CSMD1: variants seen among roughly 807,000 people sequenced by gnomAD.
CSMD1 encodes CUB and sushi domain-containing protein 1.
A neutral mutation model predicts 417.5 loss-of-function variants in CSMD1; 213 were observed. The ratio of observed to expected loss-of-function variants is 0.51; its 90% confidence interval spans 0.46 to 0.57. The LOEUF (loss-of-function observed/expected upper bound fraction) is 0.57, where lower values mean the gene tolerates loss of function less well. Ranked by LOEUF, CSMD1 falls within the 20% of genes least tolerant of loss-of-function variation. CSMD1 has a pLI of 0.00. For synonymous variants in CSMD1, 2,862 were observed against 1,736.8 expected, an observed-to-expected ratio of 1.65 and a Z score of -16.11; for missense variants, 6,923 against 4,529.7, an observed-to-expected ratio of 1.53 and a Z score of -15.17.
intron 1 of CSMD1, among the ~76,000 whole-genome samples, chr8:4,888,484 CAGA>C (rs1803896586): frequency 1.3e-5 from 2 of 151,574 alleles, no homozygotes; most frequent in African/African-American, 4.9e-5. Flanking sequence ...AGCACACATA[CAGA>C]AGGATAGACT....
intron 10 of CSMD1, among the ~76,000 whole-genome samples, chr8:3,557,695 A>G (rs1378448977): frequency 1.3e-5 from 2 of 152,160 alleles, no homozygotes; most frequent in African/African-American, 4.8e-5. Context: ...AATTCTCTCC[A>G]CAGTAAAACA....
In CSMD1 at chr8:3,493,714, C is replaced by T. The variant is rs745632954; in HGVS notation, c.1357G>A (p.Ala453Thr). The T allele has an allele frequency of 6.2e-6, 10 of 1,610,420 alleles. No homozygotes were observed. Among genetic ancestry groups the T allele is most frequent in the Non-Finnish European group, 7.6e-6 (9 of 1,178,408 alleles). ...CGCTCCAGCTCAAACTCTTCAAAGG[C>T]AAGCTTGATGACCTAAATACAAGGT... is the stretch of plus-strand genomic sequence containing the variant. ...TTDPDKVIKL[A>T]FEEFELERGY... The change falls in exon 11 of 70, where the codon GCC becomes ACC. Residue 453 changes from alanine (A) to threonine (T), a missense_variant. Ala to Thr is a moderately conservative substitution (Grantham distance 58, BLOSUM62 0). Coordinates refer to ENST00000635120, the MANE Select transcript of CSMD1 (RefSeq NM_033225.6).
intron 3 of CSMD1, among the ~76,000 whole-genome samples, chr8:4,233,114 T>A (rs1801841737): frequency 1.3e-5 from 2 of 152,256 alleles, no homozygotes; most frequent in Non-Finnish European, 2.9e-5. Flanking sequence ...TGGAAAATGC[T>A]ATCACTTATC....
chr8:3,342,566 G>A lies in CSMD1; in HGVS notation c.3631+728C>T, dbSNP rs577410960. On this transcript the variant is annotated intron_variant, in intron 23 of 69. Coordinates refer to ENST00000635120, the MANE Select transcript of CSMD1 (RefSeq NM_033225.6). Reference sequence around the variant, plus strand: ...AGAACTAAAAATGCTGAAAGTGGCAGTTATCACTTTGCAAATTCCTACTTT... The same window carrying A: ...AGAACTAAAAATGCTGAAAGTGGCAATTATCACTTTGCAAATTCCTACTTT... Among the ~76,000 whole-genome samples the A allele has an allele frequency of 3.3e-5, 5 of 152,156 alleles. No individual in the cohort carries two copies. The South Asian group carries it at 6.2e-4, about 19-fold the overall frequency.
chr8:4,993,375 G>C (rs1312786839), intron 1 of CSMD1, among the ~76,000 whole-genome samples: 3 of 101,848 alleles, frequency 2.9e-5, no homozygotes, highest in Non-Finnish European at 5.5e-5. Context: ...AAACCAATCA[G>C]TATTCTCTCT....
At chr8:4,816,947 TG>T (rs2117364901) in intron 1 of CSMD1, among the ~76,000 whole-genome samples, 1 of 152,272 alleles carries the variant, frequency 6.6e-6, no homozygotes, top group African/African-American at 2.4e-5. Flanking sequence ...GGAATTGCAT[TG>T]AAGGACAGCT....
chr8:4,016,295 A>AAAAG, intron 4 of CSMD1, among the ~76,000 whole-genome samples: 1 of 152,256 alleles, frequency 6.6e-6, no homozygotes, highest in South Asian at 2.1e-4. Context: ...AGTAGATGGA[A>AAAAG]ATAGAAAATA....
chr8:4,951,438 A>T (rs1220244707), intron 1 of CSMD1, among the ~76,000 whole-genome samples: 2 of 151,738 alleles, frequency 1.3e-5, no homozygotes, highest in East Asian at 3.9e-4. Context: ...AAAAAGAAAG[A>T]AAGAGGGAAG....
intron 7 of CSMD1, among the ~76,000 whole-genome samples, chr8:3,660,805 G>A (rs970632346): frequency 2.6e-5 from 4 of 152,172 alleles, no homozygotes; most frequent in African/African-American, 9.7e-5. Context: ...ACAGGCGTGA[G>A]CCACCCCGCC....
intron 3 of CSMD1, among the ~76,000 whole-genome samples, chr8:4,254,145 C>G (rs978505597): frequency 6.6e-6 from 1 of 151,966 alleles, no homozygotes; most frequent in Non-Finnish European, 1.5e-5. Flanking sequence ...TCTCCATCTC[C>G]TGACCTGGTG....
intron 3 of CSMD1, among the ~76,000 whole-genome samples, chr8:4,068,930 G>A (rs1470755005): frequency 6.6e-6 from 1 of 152,124 alleles, no homozygotes; most frequent in Non-Finnish European, 1.5e-5. Context: ...TAATTTTGTG[G>A]AGAAATTCTT....
chr8:3,241,492 C>A (rs894260531), intron 26 of CSMD1, among the ~76,000 whole-genome samples: 1 of 152,148 alleles, frequency 6.6e-6, no homozygotes, highest in Non-Finnish European at 1.5e-5. Flanking sequence ...AGCCACTAAG[C>A]CGAGAAGATC....
intron 5 of CSMD1, among the ~76,000 whole-genome samples, chr8:3,759,080 T>C (rs1797840770): frequency 6.6e-6 from 1 of 152,232 alleles, no homozygotes; most frequent in Admixed American, 6.5e-5. Context: ...ACCTTGATTG[T>C]AGATGTGAGA....
intron 3 of CSMD1, among the ~76,000 whole-genome samples, chr8:4,180,920 G>C (rs531214482): frequency 6.6e-6 from 1 of 152,078 alleles, no homozygotes; most frequent in African/African-American, 2.4e-5. Context: ...AAATTTTCAA[G>C]GTGCCAAAAT....
intron 7 of CSMD1, among the ~76,000 whole-genome samples, chr8:3,643,479 G>T (rs1204015793): frequency 6.6e-6 from 1 of 152,018 alleles, no homozygotes; most frequent in Non-Finnish European, 1.5e-5. Flanking sequence ...GAGGTAGGCG[G>T]ATCACAAGGT....
chr8:3,412,782 A>C (rs1165174250), intron 12 of CSMD1, among the ~76,000 whole-genome samples: 1 of 152,216 alleles, frequency 6.6e-6, no homozygotes, highest in Non-Finnish European at 1.5e-5. Flanking sequence ...TAGGTTGTTG[A>C]ACAGAGATGG....
At chr8:4,143,633 C>G (rs1029827246) in intron 3 of CSMD1, among the ~76,000 whole-genome samples, 1 of 150,944 alleles carries the variant, frequency 6.6e-6, no homozygotes, top group Admixed American at 6.6e-5. Context: ...ACACCTGATA[C>G]CGGAAGGAGA....
chr8:4,487,409 T>C (rs1047573669), intron 2 of CSMD1, among the ~76,000 whole-genome samples: 2 of 152,142 alleles, frequency 1.3e-5, no homozygotes, highest in African/African-American at 4.8e-5. Context: ...AGTGAGAACA[T>C]GCAGTGTTTG....
Position 3,367,036 on chromosome 8 carries a change from A to C in CSMD1, c.3111T>G (p.Phe1037Leu), listed in dbSNP as rs1042207348. ...SISYEGFNITFSEYDLEPCDD... is the reference protein window; with the variant it reads ...SISYEGFNITLSEYDLEPCDD... ...CAGCAAACAAGACCAACATACCTGA[A>C]AATGTGATATTGAAGCCCTCGTACG... The change falls in exon 20 of 70, where the codon TTT (phenylalanine) becomes TTG (leucine). Residue 1037 changes from phenylalanine to leucine, a missense_variant. By Grantham distance (22) the Phe-to-Leu change is conservative (BLOSUM62 0). Transcript: ENST00000635120. The C allele has an allele frequency of 3.1e-6, 5 of 1,612,242 alleles. No individual in the cohort carries two copies. The African/African-American group carries it at 5.3e-5, about 17-fold the overall frequency.
Sources: gnomAD v4.1 joint callset for allele counts (sites outside exome capture counted in the v4.1 genomes callset) on GRCh38, gnomAD v4.1.1 for gene constraint, MANE v1.5 for transcripts, NCBI Gene and HGNC (gene_info 2026-07-23, HGNC 2026-07-21) for gene names.